The following ENTREP1 variants were observed in gnomAD, a reference collection of about 807,000 sequenced individuals.
The protein encoded by ENTREP1 is endosomal transmembrane epsin interactor 1, also known as Friedreich ataxia region gene X123.
chr9:69,356,368 C>T, the ENTREP1 span, among the ~76,000 whole-genome samples: 1 of 152,172 alleles, frequency 6.6e-6, no homozygotes, highest in African/African-American at 2.4e-5. Flanking sequence ...CTGGACCTCA[C>T]CTCGTGATAT....
At chr9:69,375,962 A>G in the ENTREP1 span, 18 of 1,339,246 alleles carry the variant, frequency 1.3e-5, no homozygotes, top group Admixed American at 3.9e-4. Flanking sequence ...TACCTCCCTC[A>G]AACAATTAAG....
the ENTREP1 span, among the ~76,000 whole-genome samples, chr9:69,327,062 G>A: frequency 6.6e-6 from 1 of 150,922 alleles, no homozygotes; most frequent in Non-Finnish European, 1.5e-5. Flanking sequence ...GTAATTGTTT[G>A]AATAAGAACA....
chr9:69,334,808 A>G, the ENTREP1 span, among the ~76,000 whole-genome samples: 2 of 126,914 alleles, frequency 1.6e-5, no homozygotes, highest in South Asian at 2.4e-4. Context: ...ACAGAGTCTC[A>G]TTCTATCGCC....
At chr9:69,367,888 T>TATATACAC in the ENTREP1 span, among the ~76,000 whole-genome samples, 12 of 140,952 alleles carry the variant, frequency 8.5e-5, no homozygotes, top group African/African-American at 2.1e-4. Flanking sequence ...TATATACACA[T>TATATACAC]ATATATATAC....
the ENTREP1 span, among the ~76,000 whole-genome samples, chr9:69,343,672 A>T: frequency 6.6e-6 from 1 of 152,204 alleles, no homozygotes; most frequent in Non-Finnish European, 1.5e-5. Flanking sequence ...CATGTAATAT[A>T]CCTTTAATAT....
At chr9:69,388,574 G>A in the ENTREP1 span, 2 of 753,184 alleles carry the variant, frequency 2.7e-6, no homozygotes, top group Non-Finnish European at 2.1e-6. Flanking sequence ...GGGAAATTGG[G>A]TTGAGAGTTC....
chr9:69,360,875 T>A, the ENTREP1 span, among the ~76,000 whole-genome samples: 707 of 146,670 alleles, frequency 4.8e-3, 3 homozygotes, highest in African/African-American at 0.017. Context: ...AAAACACATT[T>A]AAAAAATCTT....
At chr9:69,388,569 A>G in the ENTREP1 span, 1 of 793,428 alleles carries the variant, frequency 1.3e-6, no homozygotes, top group Non-Finnish European at 1.9e-6. Context: ...CTTCAGGGAA[A>G]TTGGGTTGAG....
At chr9:69,327,250 CTGT>C in the ENTREP1 span, among the ~76,000 whole-genome samples, 67 of 152,288 alleles carry the variant, frequency 4.4e-4, no homozygotes, top group South Asian at 0.01. Context: ...GTGGCTCTGC[CTGT>C]GGGCTCTGCC....
chr9:69,344,313 G>A, the ENTREP1 span, among the ~76,000 whole-genome samples: 54 of 152,234 alleles, frequency 3.5e-4, no homozygotes, highest in South Asian at 2.1e-4. Flanking sequence ...GATCATACAT[G>A]TATGTTTGTA....
chr9:69,383,829 TG>T, the ENTREP1 span: 1 of 1,597,792 alleles, frequency 6.3e-7, no homozygotes, highest in Non-Finnish European at 8.6e-7. Context: ...CCCCACCCCC[TG>T]CCCCCAGAGA....
the ENTREP1 span, among the ~76,000 whole-genome samples, chr9:69,328,661 TAAAAA>T: frequency 6.7e-6 from 1 of 149,690 alleles, no homozygotes; most frequent in African/African-American, 2.5e-5. Flanking sequence ...AAGGTTTCTA[TAAAAA>T]AAAAAGTTGG....
At chr9:69,332,677 A>G in the ENTREP1 span, among the ~76,000 whole-genome samples, 4 of 152,238 alleles carry the variant, frequency 2.6e-5, no homozygotes, top group Non-Finnish European at 4.4e-5. Context: ...CTCCAAAGGA[A>G]GAAATAAAGA....
chr9:69,361,120 CT>C, the ENTREP1 span, among the ~76,000 whole-genome samples: 13 of 151,908 alleles, frequency 8.6e-5, no homozygotes, highest in East Asian at 2.5e-3. Context: ...TTCTAAGTGA[CT>C]TTTTTTTAAA....
At chr9:69,387,536 A>C in the ENTREP1 span, 1 of 189,968 alleles carries the variant, frequency 5.3e-6, no homozygotes, top group Non-Finnish European at 1.1e-5. Flanking sequence ...TGGATTTCCC[A>C]GGCTCTCTGT....
At chr9:69,387,755 A>C in the ENTREP1 span, 1 of 466,866 alleles carries the variant, frequency 2.1e-6, no homozygotes, top group Non-Finnish European at 3.6e-6. Context: ...TTCCTCTCTT[A>C]ATTGACTACT....
At chr9:69,329,267 C>A in the ENTREP1 span, 1 of 647,684 alleles carries the variant, frequency 1.5e-6, no homozygotes, top group Non-Finnish European at 1.9e-6. Flanking sequence ...CTTCTTTAGG[C>A]TTCACTGAAA....
chr9:69,391,504 A>T, the ENTREP1 span: 4 of 968,938 alleles, frequency 4.1e-6, no homozygotes, highest in Non-Finnish European at 6.4e-6. Flanking sequence ...CAAAGCAATT[A>T]CACATTAAGA....
At chr9:69,375,885 C>T in the ENTREP1 span, 1 of 1,608,888 alleles carries the variant, frequency 6.2e-7, no homozygotes, top group Admixed American at 1.7e-5. Flanking sequence ...CAGATTCCCA[C>T]CCGCACGGTA....
Sources: gnomAD v4.1 joint callset for allele counts (sites outside exome capture counted in the v4.1 genomes callset) on GRCh38, gnomAD v4.1.1 for gene constraint, MANE v1.5 for transcripts, NCBI Gene and HGNC (gene_info 2026-07-23, HGNC 2026-07-21) for gene names.